GALNT9: variants seen among roughly 807,000 people sequenced by gnomAD.
GALNT9 encodes polypeptide N-acetylgalactosaminyltransferase 9, also known as GalNAc transferase 9.
In GALNT9, 47 loss-of-function variants were observed where a neutral mutation model predicts 63.1. That is an observed-to-expected ratio of 0.75 (90% CI 0.59 to 0.95). The LOEUF (loss-of-function observed/expected upper bound fraction) is 0.95. GALNT9 is among the 40% of genes least tolerant of loss of function. The pLI is 0.00. For missense variants in GALNT9, 829 were observed against 874.8 expected, an observed-to-expected ratio of 0.95 and a Z score of 0.66; for synonymous variants, 396 against 365.7, an observed-to-expected ratio of 1.08 and a Z score of -0.94.
At chr12:132,292,267 CTCA>C (rs1339209128) in intron 1 of GALNT9, among the ~76,000 whole-genome samples, 1 of 152,252 alleles carries the variant, frequency 6.6e-6, no homozygotes, top group Admixed American at 6.5e-5. Flanking sequence ...ACCCCAGCGC[CTCA>C]TGTGTTCACA....
chr12:132,296,105 C>T lies in GALNT9; in HGVS notation c.239-9675G>A, dbSNP rs1025675944. ...AGAGCCTCCGAACAGGGAGAGCCTC[C>T]GAACAGGGAGAGCCTCTGAACAGGG... is the stretch of plus-strand genomic sequence containing the variant. On this transcript the variant is annotated intron_variant, in intron 1 of 10. Transcript: ENST00000328957. The surrounding 1 kb of genome is among the most constrained non-coding windows in gnomAD (Gnocchi z 4.2). Among the ~76,000 whole-genome samples, 4 of 147,446 alleles carry T rather than the reference C, an allele frequency of 2.7e-5. No individual in the cohort carries two copies. Among genetic ancestry groups the T allele is most frequent in the Admixed American group, 1.3e-4 (2 of 14,880 alleles).
chr12:132,297,967 C>A (rs1881135782), intron 1 of GALNT9, among the ~76,000 whole-genome samples: 1 of 151,958 alleles, frequency 6.6e-6, no homozygotes, highest in African/African-American at 2.4e-5. Flanking sequence ...TCATAATAAC[C>A]AACTCACATC....
At chr12:132,247,221 C>T (rs1555238057) in intron 6 of GALNT9, among the ~76,000 whole-genome samples, 2 of 152,182 alleles carry the variant, frequency 1.3e-5, no homozygotes, top group African/African-American at 4.8e-5. Flanking sequence ...GAGGCAGAAG[C>T]CCGGCCGAGC....
In GALNT9 at chr12:132,203,510, T is replaced by TG; in HGVS notation, c.1257dup (p.Met420HisfsTer13). 2 of 1,613,670 alleles carry TG rather than the reference T, an allele frequency of 1.2e-6. No homozygotes were observed. Among genetic ancestry groups the TG allele is most frequent in the Non-Finnish European group, 1.7e-6 (2 of 1,179,672 alleles). On this transcript the variant is annotated frameshift_variant, in exon 7 of 11. Transcript: ENST00000328957. LOFTEE classifies it high-confidence loss of function. ...CCGGCCTGTGGGGGACTCACCGACA[T>TG]GGGGATGTTCCAGGCCATGTACACG...
Position 132,315,894 on chromosome 12 carries a change from G to A in GALNT9, c.238+13072C>T, listed in dbSNP as rs1200128303. 6.6e-6 allele frequency among the ~76,000 whole-genome samples: 1 copy of A among 152,206 alleles called. No homozygotes were observed. The highest frequency in any genetic ancestry group is 1.5e-5 in the Non-Finnish European group (1 of 68,042). On this transcript the variant is annotated intron_variant, in intron 1 of 10. Coordinates refer to ENST00000328957, the MANE Select transcript of GALNT9 (RefSeq NM_001122636.2). The surrounding 1 kb of genome is among the most constrained non-coding windows in gnomAD (Gnocchi z 6.1). ...TAAACCCCTGTGCTGGGCCCATTCC[G>A]AGATGCCAATGGGGACTTGGAGCAT...
chr12:132,239,837 CAAAG>C (rs1555236733), intron 6 of GALNT9, among the ~76,000 whole-genome samples: 1 of 151,866 alleles, frequency 6.6e-6, no homozygotes, highest in Non-Finnish European at 1.5e-5. Flanking sequence ...CTGAGAGAGA[CAAAG>C]AGAGACAGAC....
At chr12:132,307,382 C>T (rs1881652094) in intron 1 of GALNT9, among the ~76,000 whole-genome samples, 1 of 152,088 alleles carries the variant, frequency 6.6e-6, no homozygotes, top group South Asian at 2.1e-4. Flanking sequence ...GATAAATAAC[C>T]GATTCCAAAG....
chr12:132,201,407 GT>G (rs1565982206), intron 7 of GALNT9, 146 bp from the exon 8 acceptor site: 4 of 556,432 alleles, frequency 7.2e-6, no homozygotes, highest in Non-Finnish European at 1.3e-5. Context: ...GCCCCATCCA[GT>G]TGGGACCCCC....
intron 1 of GALNT9, among the ~76,000 whole-genome samples, chr12:132,313,963 C>CTT (rs1881926123): frequency 8.3e-6 from 1 of 120,404 alleles, no homozygotes; most frequent in Non-Finnish European, 1.8e-5. Context: ...TCCATCCACC[C>CTT]ATCCATCCAC....
At chr12:132,247,698 A>G (rs1555238131) in intron 6 of GALNT9, 1 of 762,920 alleles carries the variant, frequency 1.3e-6, no homozygotes, top group South Asian at 1.8e-5. Context: ...ACTCGCCCTC[A>G]CCCCGTCCCC....
At chr12:132,272,112 G>A (rs142002776) in intron 2 of GALNT9, among the ~76,000 whole-genome samples, 2,153 of 152,298 alleles carry the variant, frequency 0.014, 54 homozygotes, top group African/African-American at 0.048. Context: ...CCCCAGAGCG[G>A]TCGGGGGACG....
chr12:132,262,888 C>A (rs538226202), intron 2 of GALNT9, among the ~76,000 whole-genome samples: 1 of 152,108 alleles, frequency 6.6e-6, no homozygotes, highest in Non-Finnish European at 1.5e-5. Context: ...TACAACCAGA[C>A]GCCAAGGGTG....
Position 132,298,928 on chromosome 12 carries a change from C to T in GALNT9, c.239-12498G>A, listed in dbSNP as rs959729265. 4.0e-5 allele frequency among the ~76,000 whole-genome samples: 6 copies of T among 149,672 alleles called. 1 individual carries two copies. Among genetic ancestry groups the T allele is most frequent in the Non-Finnish European group, 8.9e-5 (6 of 67,166 alleles). On this transcript the variant is annotated intron_variant, in intron 1 of 10. Transcript: ENST00000328957. ...CTAACCCACTGCCACCACACCTAAC[C>T]CATCCCAGAGATAAACAACCCACTC...
In GALNT9 at chr12:132,266,195, C is replaced by T. The variant is rs28734772; in HGVS notation, c.420-3570G>A. On this transcript the variant is annotated intron_variant, in intron 2 of 10. Transcript: ENST00000328957. Reference sequence around the variant, plus strand: ...TCATGAACAGGCATGCACAGCCAACCGCGGGCCTGTCTGCCTTTACACGCC... The same window carrying T: ...TCATGAACAGGCATGCACAGCCAACTGCGGGCCTGTCTGCCTTTACACGCC... 9.9e-3 allele frequency among the ~76,000 whole-genome samples: 1,507 copies of T among 151,516 alleles called. 30 individuals are homozygous for T. Among genetic ancestry groups the T allele is most frequent in the South Asian group, 0.079 (364 of 4,626 alleles).
intron 6 of GALNT9, among the ~76,000 whole-genome samples, chr12:132,214,760 G>T (rs947998642): frequency 1.3e-5 from 2 of 152,176 alleles, no homozygotes; most frequent in Admixed American, 1.3e-4. Flanking sequence ...CTCACCAATG[G>T]CCATTGTCTC....
At chr12:132,314,774 T>C (rs1566022810) in intron 1 of GALNT9, among the ~76,000 whole-genome samples, 1 of 152,114 alleles carries the variant, frequency 6.6e-6, no homozygotes, top group Non-Finnish European at 1.5e-5. Flanking sequence ...GTGAATCGGA[T>C]CAAACCCTCT....
At chr12:132,305,542 CGGGCACACCCTCACCG>C (rs1566020078) in intron 1 of GALNT9, among the ~76,000 whole-genome samples, 7 of 139,724 alleles carry the variant, frequency 5.0e-5, no homozygotes, top group Non-Finnish European at 7.7e-5. Context: ...CACCCTCACC[CGGGCACACCCTCACCG>C]GGGCACACCC....
At chr12:132,328,466 C>T (rs1869139069) in intron 1 of GALNT9, among the ~76,000 whole-genome samples, 2 of 152,204 alleles carry the variant, frequency 1.3e-5, no homozygotes, top group South Asian at 4.1e-4. Context: ...GCCCAGTGGT[C>T]GAAGCATTTG....
At chr12:132,260,257 C>T (rs1391697657) in intron 4 of GALNT9, among the ~76,000 whole-genome samples, 2 of 152,186 alleles carry the variant, frequency 1.3e-5, no homozygotes, top group Non-Finnish European at 2.9e-5. Context: ...TCCTTAAGGG[C>T]CTGGAGCCTC....
Sources: allele counts gnomAD v4.1 joint callset (sites outside exome capture counted in the v4.1 genomes callset), GRCh38; gene constraint gnomAD v4.1.1; non-coding constraint Gnocchi (gnomAD v3.1); transcripts MANE v1.5; gene names NCBI Gene and HGNC (gene_info 2026-07-23, HGNC 2026-07-21).